Variants in PDE11A observed in about 807,000 individuals in gnomAD.
PDE11A encodes the protein dual 3',5'-cyclic-AMP and -GMP phosphodiesterase 11A.
In PDE11A, 100 loss-of-function variants were observed where a neutral mutation model predicts 100.5. The ratio of observed to expected loss-of-function variants is 1.00; its 90% CI spans 0.85 to 1.18. The LOEUF (loss-of-function observed/expected upper bound fraction) is 1.18, where lower values mean the gene tolerates loss of function less well. Among genes scored for constraint, PDE11A ranks in the 50% most tolerant of loss-of-function variants. The pLI, the probability that PDE11A is intolerant of heterozygous loss-of-function variation, is 0.00. For missense variants in PDE11A, 1,141 were observed against 1,152.6 expected, an observed-to-expected ratio of 0.99 and a Z score of 0.15; for synonymous variants, 381 against 420.8, an observed-to-expected ratio of 0.91 and a Z score of 1.16.
chr2:177,956,949 G>GC (rs1275731454), intron 2 of PDE11A, among the ~76,000 whole-genome samples: 1 of 152,074 alleles, frequency 6.6e-6, no homozygotes, highest in African/African-American at 2.4e-5. Flanking sequence ...TATACCTAAT[G>GC]TAAATGACGA....
chr2:177,958,581 C>T (rs1364658227), intron 2 of PDE11A, among the ~76,000 whole-genome samples: 1 of 152,130 alleles, frequency 6.6e-6, no homozygotes, highest in Non-Finnish European at 1.5e-5. Context: ...AATTAATCTC[C>T]CTCTTTTGGT....
intron 2 of PDE11A, among the ~76,000 whole-genome samples, chr2:177,992,810 C>T (rs2086019922): frequency 6.6e-6 from 1 of 152,168 alleles, no homozygotes. Flanking sequence ...CCTATAACCT[C>T]ACCCCTTAGC....
At chr2:177,885,737 C>T (rs2084420356) in intron 4 of PDE11A, among the ~76,000 whole-genome samples, 1 of 152,262 alleles carries the variant, frequency 6.6e-6, no homozygotes, top group South Asian at 2.1e-4. Context: ...TCGGAGGATG[C>T]TCGCCCCATC....
intron 3 of PDE11A, among the ~76,000 whole-genome samples, chr2:177,898,838 C>T (rs2084653917): frequency 6.6e-6 from 1 of 152,192 alleles, no homozygotes; most frequent in South Asian, 2.1e-4. Flanking sequence ...ATAACTCATA[C>T]ACCGGCCTTG....
chr2:178,025,261 T>C (rs552610445), intron 1 of PDE11A, among the ~76,000 whole-genome samples: 17 of 152,324 alleles, frequency 1.1e-4, no homozygotes, highest in Admixed American at 2.0e-4. Flanking sequence ...TTTTGTACAT[T>C]CACATAGGTA....
chr2:177,970,675 A>G (rs186216756), intron 2 of PDE11A, among the ~76,000 whole-genome samples: 1 of 152,260 alleles, frequency 6.6e-6, no homozygotes, highest in African/African-American at 2.4e-5. Context: ...GTTTAGCATA[A>G]AAGTGTTAGT....
intron 2 of PDE11A, among the ~76,000 whole-genome samples, chr2:177,993,434 T>C (rs2086028725): frequency 6.6e-6 from 1 of 152,216 alleles, no homozygotes; most frequent in Non-Finnish European, 1.5e-5. Context: ...AAAGTCCCCT[T>C]GCTTTCTAAG....
At chr2:178,071,418 T>A in intron 1 of PDE11A, 108 bp downstream of exon 1, 1 of 1,382,550 alleles carries the variant, frequency 7.2e-7, no homozygotes, top group African/African-American at 1.4e-5. Flanking sequence ...GCAAAATTTG[T>A]ATTGTAAAGA....
rs57168619 is a variant in PDE11A at position 177,979,611 on chromosome 2, C to CT, written c.1071+34690dup. Among the ~76,000 whole-genome samples the CT allele has an allele frequency of 6.7e-3, 719 of 106,832 alleles. 47 individuals are homozygous for CT. The highest frequency in any genetic ancestry group is 9.3e-3 in the Non-Finnish European group (514 of 55,016). 70.1% of individuals were successfully genotyped at this position (106,832 alleles called of 152,430 possible). On this transcript the variant is annotated intron_variant, in intron 2 of 19. Coordinates refer to ENST00000286063, the MANE Select transcript of PDE11A (RefSeq NM_016953.4). ...GTGTGAATGGATATCCTCAGATGAT[C>CT]TTTTTTTTTTTTTTTTTGAGACAGA...
intron 2 of PDE11A, among the ~76,000 whole-genome samples, chr2:178,082,520 G>A (rs942171268): frequency 4.6e-5 from 7 of 152,062 alleles, no homozygotes; most frequent in African/African-American, 1.7e-4. Context: ...GTCAGAAGCT[G>A]GAAACAGACA....
At chr2:178,003,395 T>G (rs772696507) in intron 2 of PDE11A, among the ~76,000 whole-genome samples, 5 of 152,160 alleles carry the variant, frequency 3.3e-5, no homozygotes, top group Non-Finnish European at 7.4e-5. Flanking sequence ...TACTGATACA[T>G]GCTACAACAT....
chr2:177,908,831 C>T (rs1381689987), intron 2 of PDE11A, among the ~76,000 whole-genome samples: 1 of 152,316 alleles, frequency 6.6e-6, no homozygotes, highest in Middle Eastern at 3.4e-3. Context: ...TCATCCTCAT[C>T]CAATCTTGTT....
At chr2:178,045,882 CTTCTTTCA>C (rs2086743492) in intron 1 of PDE11A, among the ~76,000 whole-genome samples, 1 of 152,210 alleles carries the variant, frequency 6.6e-6, no homozygotes, top group Admixed American at 6.5e-5. Flanking sequence ...AAGGAGCCGC[CTTCTTTCA>C]TGGACAGGAA....
chr2:177,831,003 C>T (rs1438062), intron 6 of PDE11A, among the ~76,000 whole-genome samples: 56,255 of 151,990 alleles, frequency 0.37, 11,211 homozygotes, highest in African/African-American at 0.51. Flanking sequence ...AATTTTTCCA[C>T]CCATAAGCCA....
At chr2:177,748,297 C>G (rs1377744590) in intron 10 of PDE11A, among the ~76,000 whole-genome samples, 1 of 152,102 alleles carries the variant, frequency 6.6e-6, no homozygotes, top group South Asian at 2.1e-4. Context: ...AACAGAAATT[C>G]TAGATGGAGT....
intron 2 of PDE11A, among the ~76,000 whole-genome samples, chr2:177,990,045 C>T (rs1345520796): frequency 6.6e-6 from 1 of 152,162 alleles, no homozygotes; most frequent in East Asian, 1.9e-4. Flanking sequence ...ACTCACACCA[C>T]TCACTACAGT....
At position 178,071,750 on chromosome 2, in the gene PDE11A, A is replaced by G; in HGVS notation, c.688T>C (p.Cys230Arg). 1 of 1,614,124 alleles carries G rather than the reference A, an allele frequency of 6.2e-7. No individual in the cohort carries two copies. The highest frequency in any genetic ancestry group is 8.5e-7 in the Non-Finnish European group (1 of 1,179,938). ...CAGCGGTCAGCATCCACCATAAGGC[A>G]GACAAAGATGAGAATCTTGTAGCTC... ...SLSYKILIFV[C>R]LMVDADRCSL... The change falls in exon 1 of 20, where the codon TGC becomes CGC. Residue 230 changes from cysteine (C) to arginine (R), a missense_variant. Transcript: ENST00000286063.
At chr2:177,843,516 A>C (rs972426062) in intron 5 of PDE11A, among the ~76,000 whole-genome samples, 3 of 152,194 alleles carry the variant, frequency 2.0e-5, no homozygotes, top group African/African-American at 7.2e-5. Flanking sequence ...AGAATTCCCA[A>C]AGAAGATACG....
intron 6 of PDE11A, among the ~76,000 whole-genome samples, chr2:177,830,182 G>A (rs753154269): frequency 6.6e-6 from 1 of 152,252 alleles, no homozygotes; most frequent in African/African-American, 2.4e-5. Flanking sequence ...TAAAAAGAAC[G>A]CCAAGATCCA....
Sources: gnomAD v4.1 joint callset for allele counts (sites outside exome capture counted in the v4.1 genomes callset) on GRCh38, gnomAD v4.1.1 for gene constraint, MANE v1.5 for transcripts, NCBI Gene and HGNC (gene_info 2026-07-23, HGNC 2026-07-21) for gene names.